The following BCL7C variants were observed in gnomAD, a reference collection of about 807,000 sequenced individuals.
The protein encoded by BCL7C is B-cell CLL/lymphoma 7 protein family member C.
BCL7C carries 8 observed loss-of-function variants against 26.2 expected under a neutral mutation model. The observed-to-expected ratio is 0.30, with a 90% CI of 0.18 to 0.55. The LOEUF is 0.55. BCL7C is among the 20% of genes least tolerant of loss of function. BCL7C has a pLI of 0.93. For synonymous variants in BCL7C, 90 were observed against 116.5 expected (o/e 0.77, Z 1.47); for missense variants, 262 against 298.5 (o/e 0.88, Z 0.90).
Position 30,887,986 on chromosome 16 carries a change from G to A in BCL7C, c.533C>T (p.Pro178Leu). Residue 178 changes from proline to leucine, a missense_variant, in exon 6 of 6, where the codon CCC (proline) becomes CTC (leucine). Pro to Leu is a moderately conservative substitution (Grantham distance 98). Transcript: ENST00000215115. Reference sequence around the variant, plus strand: ...TGGCTCAAAGACAGGGTAAGCTTCGGGGGCCTGGAGAGGAAGGGTGGACAG... The same window carrying A: ...TGGCTCAAAGACAGGGTAAGCTTCGAGGGCCTGGAGAGGAAGGGTGGACAG... ...PVPELLEAEA[P>L]EAYPVFEPVP... 1 of 1,604,510 alleles carries A rather than the reference G, an allele frequency of 6.2e-7. No homozygotes were observed. The highest frequency in any genetic ancestry group is 8.5e-7 in the Non-Finnish European group (1 of 1,176,012).
Position 30,893,474 on chromosome 16 carries a change from G to T in BCL7C, c.93-184C>A, listed in dbSNP as rs765039740. On this transcript the variant is annotated intron_variant, in intron 1 of 5. Coordinates refer to ENST00000215115, the MANE Select transcript of BCL7C (RefSeq NM_004765.4). This position sits in a 1 kb window ranked among gnomAD's most constrained non-coding sequence, Gnocchi z 5.2. Reference sequence around the variant, plus strand: ...GCAAACCCCAGGGCATAGGCGGTGGGTGCCTCTAGAGAGAGGATATGATTT... The same window carrying T: ...GCAAACCCCAGGGCATAGGCGGTGGTTGCCTCTAGAGAGAGGATATGATTT... Among the ~76,000 whole-genome samples the T allele has an allele frequency of 6.6e-6, 1 of 152,114 alleles. No homozygotes were observed. Among genetic ancestry groups the T allele is most frequent in the African/African-American group, 2.4e-5 (1 of 41,412 alleles).
At chr16:30,859,914 G>C (rs968644550) in intron 5 of BCL7C, among the ~76,000 whole-genome samples, 5 of 152,150 alleles carry the variant, frequency 3.3e-5, no homozygotes, top group African/African-American at 1.2e-4. Context: ...GGACTCCTTC[G>C]GGAGACCAGT....
chr16:30,863,297 A>G (rs2054793970), intron 5 of BCL7C, among the ~76,000 whole-genome samples: 1 of 152,138 alleles, frequency 6.6e-6, no homozygotes, highest in African/African-American at 2.4e-5. Flanking sequence ...ACTACTTCTC[A>G]GCAAGCCGAA....
At chr16:30,835,768 C>T (rs2054565473) in intron 5 of BCL7C, among the ~76,000 whole-genome samples, 6 of 151,682 alleles carry the variant, frequency 4.0e-5, no homozygotes, top group Admixed American at 3.9e-4. Flanking sequence ...ATCTCTTGAA[C>T]CCGGTAGACA....
intron 5 of BCL7C, among the ~76,000 whole-genome samples, chr16:30,864,959 G>A (rs1400029471): frequency 6.6e-6 from 1 of 150,864 alleles, no homozygotes; most frequent in Non-Finnish European, 1.5e-5. Flanking sequence ...ACAAGGTCAG[G>A]AGATCGAGAT....
At chr16:30,842,016 G>A (rs1479071627) in intron 5 of BCL7C, among the ~76,000 whole-genome samples, 2 of 1,238 alleles carry the variant, frequency 1.6e-3, no homozygotes, top group East Asian at 0.011. Flanking sequence ...GGTGCCCCCT[G>A]ACCCCTTCTT....
chr16:30,863,702 C>A (rs1004591392), intron 5 of BCL7C, among the ~76,000 whole-genome samples: 1 of 152,214 alleles, frequency 6.6e-6, no homozygotes, highest in Non-Finnish European at 1.5e-5. Flanking sequence ...TCTCTTCCCA[C>A]ACAAGGTAAA....
chr16:30,855,252 A>AT (rs1453629216), intron 5 of BCL7C, among the ~76,000 whole-genome samples: 7 of 151,828 alleles, frequency 4.6e-5, no homozygotes, highest in Non-Finnish European at 7.4e-5. Context: ...TTATTTATTT[A>AT]TTTTGAGATG....
chr16:30,834,916 T>G lies in BCL7C; in HGVS notation c.*32A>C. ...GGATCTTGGGGCAGCCAAGGGAGGC[T>G]TTAGGGGTCTTGGCTTGCTTGGGGA... is the stretch of plus-strand genomic sequence containing the variant. On this transcript the variant is annotated 3_prime_UTR_variant, in exon 6 of 6. Coordinates refer to the BCL7C transcript ENST00000380317. The surrounding 1 kb of genome is among the most constrained non-coding windows in gnomAD (Gnocchi z 4.3). 6.7e-7 allele frequency: 1 copy of G among 1,485,736 alleles called. No homozygotes were observed. The highest frequency in any genetic ancestry group is 9.0e-7 in the Non-Finnish European group (1 of 1,112,408). 92.0% of individuals were successfully genotyped at this position (1,485,736 alleles called of 1,614,324 possible). A position where few individuals can be genotyped will look rare whatever the true frequency, so the allele number is the denominator to read the frequency against.
chr16:30,883,584 T>C (rs932262084), downstream of BCL7C, among the ~76,000 whole-genome samples: 7 of 139,862 alleles, frequency 5.0e-5, no homozygotes, highest in East Asian at 1.5e-3. Flanking sequence ...AATCTCACTC[T>C]GTTGCCCAGG....
intron 5 of BCL7C, among the ~76,000 whole-genome samples, chr16:30,881,326 G>A (rs1310587079): frequency 2.6e-5 from 4 of 151,968 alleles, no homozygotes; most frequent in Non-Finnish European, 5.9e-5. Flanking sequence ...AACCCAGGGG[G>A]CAGTGGTTGC....
intron 4 of BCL7C, among the ~76,000 whole-genome samples, chr16:30,889,576 G>A (rs1035458491): frequency 3.9e-5 from 6 of 151,900 alleles, no homozygotes; most frequent in African/African-American, 1.5e-4. Context: ...TGCAACCTCC[G>A]CCTCCCAGGT....
chr16:30,837,411 A>G (rs1266626683), intron 5 of BCL7C, among the ~76,000 whole-genome samples: 1 of 151,980 alleles, frequency 6.6e-6, no homozygotes, highest in South Asian at 2.1e-4. Flanking sequence ...GCTGTAGTGC[A>G]ATAGAGCCTC....
chr16:30,860,912 A>G (rs2054765849), intron 5 of BCL7C, among the ~76,000 whole-genome samples: 1 of 151,546 alleles, frequency 6.6e-6, no homozygotes, highest in African/African-American at 2.4e-5. Context: ...CCGCTCCCTG[A>G]CCCTATAATC....
chr16:30,867,404 A>G (rs769714959), intron 5 of BCL7C, among the ~76,000 whole-genome samples: 83 of 152,152 alleles, frequency 5.5e-4, no homozygotes, highest in Non-Finnish European at 1.1e-3. Context: ...AACCCCTGGA[A>G]CATGTGAATG....
chr16:30,837,472 C>T (rs1049665715), intron 5 of BCL7C, among the ~76,000 whole-genome samples: 9 of 152,002 alleles, frequency 5.9e-5, no homozygotes, highest in African/African-American at 9.7e-5. Flanking sequence ...CTCAGCCTCC[C>T]GAGTAGCTGG....
At chr16:30,866,038 T>A (rs2054824138) in intron 5 of BCL7C, among the ~76,000 whole-genome samples, 1 of 151,954 alleles carries the variant, frequency 6.6e-6, no homozygotes, top group Non-Finnish European at 1.5e-5. Flanking sequence ...CCCGGCCATA[T>A]GGGTTTTATA....
At position 30,836,793 on chromosome 16, in the gene BCL7C, AT is replaced by A. The variant is rs564433973; in HGVS notation, c.529-1646del. Among the ~76,000 whole-genome samples the A allele has an allele frequency of 4.2e-3, 572 of 137,324 alleles. 2 individuals carry two copies. Among genetic ancestry groups the A allele is most frequent in the Non-Finnish European group, 6.4e-3 (403 of 62,526 alleles). 90.1% of individuals were successfully genotyped at this position (137,324 alleles called of 152,430 possible). ...CCTGGCCAAGACTCCATCTCTTTGT[AT>A]TTTTTTTTTTGTTTTTTGAGACAGA... On this transcript the variant is annotated intron_variant, in intron 5 of 5. Transcript: ENST00000380317.
intron 5 of BCL7C, among the ~76,000 whole-genome samples, chr16:30,872,285 G>A (rs1596603698): frequency 2.0e-5 from 3 of 152,228 alleles, no homozygotes; most frequent in South Asian, 4.1e-4. Flanking sequence ...AGCAGGTGGC[G>A]GCCTGACATT....
Sources: allele counts gnomAD v4.1 joint callset (sites outside exome capture counted in the v4.1 genomes callset), GRCh38; gene constraint gnomAD v4.1.1; non-coding constraint Gnocchi (gnomAD v3.1); transcripts MANE v1.5; gene names NCBI Gene and HGNC (gene_info 2026-07-23, HGNC 2026-07-21).